Variants in CAMTA1 observed in about 807,000 individuals in gnomAD.
CAMTA1 encodes the protein calmodulin-binding transcription activator 1.
Under a neutral mutation model 170.9 loss-of-function variants are expected in CAMTA1, and 27 were observed. The observed-to-expected ratio is 0.16, with a 90% CI of 0.12 to 0.22. CAMTA1 has a LOEUF of 0.22. Ranked by LOEUF, CAMTA1 falls within the 10% of genes least tolerant of loss-of-function variation. CAMTA1 has a pLI of 1.00. For missense variants in CAMTA1, 1,619 were observed against 2,217.2 expected (o/e 0.73, Z 5.42); for synonymous variants, 833 against 891.5 (o/e 0.93, Z 1.17).
At chr1:7,257,190 A>C (rs1667541640) in intron 5 of CAMTA1, among the ~76,000 whole-genome samples, 1 of 152,096 alleles carries the variant, frequency 6.6e-6, no homozygotes, top group South Asian at 2.1e-4. Context: ...CAGTAATCAC[A>C]GCATCCTTTT....
chr1:7,703,725 G>T (rs916048239), intron 11 of CAMTA1, among the ~76,000 whole-genome samples: 7 of 152,158 alleles, frequency 4.6e-5, no homozygotes, highest in Non-Finnish European at 1.5e-5. Context: ...AACAAAATAG[G>T]CGGTCTCATC....
intron 3 of CAMTA1, among the ~76,000 whole-genome samples, chr1:6,919,913 G>T (rs554400308): frequency 1.3e-5 from 2 of 151,768 alleles, no homozygotes; most frequent in East Asian, 3.9e-4. Context: ...CCCATAACAC[G>T]TGGGAATTAT....
intron 22 of CAMTA1, among the ~76,000 whole-genome samples, chr1:7,758,168 A>AT (rs780538292): frequency 1.1e-4 from 17 of 152,230 alleles, no homozygotes; most frequent in East Asian, 1.9e-4. Context: ...CAAGGACAAC[A>AT]TTTTTACGGG....
intron 6 of CAMTA1, among the ~76,000 whole-genome samples, chr1:7,541,273 T>C (rs1484198492): frequency 6.6e-6 from 1 of 152,244 alleles, no homozygotes; most frequent in Non-Finnish European, 1.5e-5. Context: ...GTTTCTCTCC[T>C]GCCTGGAGAA....
intron 10 of CAMTA1, among the ~76,000 whole-genome samples, chr1:7,675,407 G>A (rs902769027): frequency 1.3e-5 from 2 of 152,200 alleles, no homozygotes; most frequent in East Asian, 3.8e-4. Context: ...GGAGTGGCTT[G>A]ATCTAAATGA....
chr1:7,654,669 TAC>T (rs937563265), intron 7 of CAMTA1, among the ~76,000 whole-genome samples: 16 of 126,168 alleles, frequency 1.3e-4, no homozygotes, highest in South Asian at 7.9e-4. Context: ...CACACACCTA[TAC>T]ACACACTCCA....
intron 12 of CAMTA1, among the ~76,000 whole-genome samples, chr1:7,734,322 A>G (rs2096755166): frequency 6.6e-6 from 1 of 152,180 alleles, no homozygotes; most frequent in Non-Finnish European, 1.5e-5. Flanking sequence ...TCTCCTTAAA[A>G]TACTTTTCCT....
At chr1:7,414,208 C>T (rs1289019668) in intron 5 of CAMTA1, among the ~76,000 whole-genome samples, 5 of 152,172 alleles carry the variant, frequency 3.3e-5, no homozygotes, top group Non-Finnish European at 5.9e-5. Context: ...GGATATTGGT[C>T]TAAAATTCTC....
At chr1:7,337,198 T>C (rs2083438598) in intron 5 of CAMTA1, among the ~76,000 whole-genome samples, 1 of 152,194 alleles carries the variant, frequency 6.6e-6, no homozygotes, top group South Asian at 2.1e-4. Flanking sequence ...CATCAATACC[T>C]ATCACCTTGT....
intron 5 of CAMTA1, among the ~76,000 whole-genome samples, chr1:7,433,382 C>G (rs1424444818): frequency 1.3e-5 from 2 of 152,244 alleles, no homozygotes; most frequent in African/African-American, 2.4e-5. Context: ...ACTGTGGCAG[C>G]TGGGAGCTTC....
intron 5 of CAMTA1, among the ~76,000 whole-genome samples, chr1:7,429,686 G>A (rs569852960): frequency 6.6e-6 from 1 of 152,160 alleles, no homozygotes; most frequent in East Asian, 1.9e-4. Flanking sequence ...AGTGATGATG[G>A]TATGTTAGTT....
chr1:7,433,473 T>C (rs956671929), intron 5 of CAMTA1, among the ~76,000 whole-genome samples: 2 of 152,140 alleles, frequency 1.3e-5, no homozygotes, highest in East Asian at 1.9e-4. Context: ...CACCTAGCAG[T>C]TTCTTGCTGC....
intron 5 of CAMTA1, among the ~76,000 whole-genome samples, chr1:7,291,511 G>T (rs774968089): frequency 6.6e-6 from 1 of 152,214 alleles, no homozygotes; most frequent in Non-Finnish European, 1.5e-5. Context: ...CTGTGTGCAC[G>T]CCCCTCATCA....
intron 4 of CAMTA1, among the ~76,000 whole-genome samples, chr1:7,233,199 T>A (rs981418096): frequency 2.0e-5 from 3 of 152,216 alleles, no homozygotes; most frequent in Non-Finnish European, 4.4e-5. Context: ...AGATTTACAT[T>A]GGATTCTTAA....
At chr1:6,856,113 C>T (rs1662245271) in intron 3 of CAMTA1, among the ~76,000 whole-genome samples, 1 of 152,136 alleles carries the variant, frequency 6.6e-6, no homozygotes, top group Non-Finnish European at 1.5e-5. Context: ...GTATGGCCTG[C>T]TGTTGTGTGC....
chr1:7,330,706 T>A (rs1474691233), intron 5 of CAMTA1, among the ~76,000 whole-genome samples: 2 of 152,232 alleles, frequency 1.3e-5, no homozygotes, highest in Admixed American at 1.3e-4. Flanking sequence ...TCACAACTGT[T>A]TATACTAACT....
Position 7,663,301 on chromosome 1 carries a change from T to C in CAMTA1, c.806-52T>C, listed in dbSNP as rs368701143. The C allele has an allele frequency of 9.9e-5, 150 of 1,508,666 alleles. No individual in the cohort carries two copies. The African/African-American group carries it at 1.8e-3, about 19-fold the overall frequency. 93.5% of individuals were successfully genotyped at this position (1,508,666 alleles called of 1,614,324 possible). Reference sequence around the variant, plus strand: ...TCTCTTTTGTGTGTGCATGTGTGTGTGCACATGTGTGCCTGCGTGTGCGTG... The same window carrying C: ...TCTCTTTTGTGTGTGCATGTGTGTGCGCACATGTGTGCCTGCGTGTGCGTG... On this transcript the variant is annotated intron_variant, in intron 8 of 22. Transcript: ENST00000303635.
chr1:7,091,241 CT>C (rs1376238161), intron 3 of CAMTA1, 62 bp from the exon 4 acceptor site: 1 of 1,235,892 alleles, frequency 8.1e-7, no homozygotes, highest in East Asian at 2.3e-5. Flanking sequence ...CAAAAACTTT[CT>C]TACCTCTCAG....
At chr1:7,457,052 TGCGCCGCCGTGCCCCTCACCCGCCCCC>T (rs1575431523) in intron 5 of CAMTA1, among the ~76,000 whole-genome samples, 1 of 18,416 alleles carries the variant, frequency 5.4e-5, no homozygotes, top group South Asian at 1.8e-3. Flanking sequence ...CCCCGCCCCC[TGCGCCGCCGTGCCCCTCACCCGCCCCC>T]TGCGCCAACG....
Sources: gnomAD v4.1 joint callset for allele counts (sites outside exome capture counted in the v4.1 genomes callset) on GRCh38, gnomAD v4.1.1 for gene constraint, MANE v1.5 for transcripts, NCBI Gene and HGNC (gene_info 2026-07-23, HGNC 2026-07-21) for gene names.